The following CFHR4 variants were observed in gnomAD, a reference collection of about 807,000 sequenced individuals.
CFHR4 encodes the protein complement factor H-related protein 4.
A neutral mutation model predicts 69.3 loss-of-function variants in CFHR4; 64 were observed. The observed-to-expected ratio is 0.92, with a 90% CI of 0.76 to 1.14. CFHR4 has a LOEUF of 1.14. Among genes scored for constraint, CFHR4 ranks in the 50% most tolerant of loss-of-function variants. The pLI, the probability that CFHR4 is intolerant of heterozygous loss-of-function variation, is 0.00. For synonymous variants in CFHR4, 244 were observed against 237.0 expected, an observed-to-expected ratio of 1.03 and a Z score of -0.27; for missense variants, 636 against 684.9, an observed-to-expected ratio of 0.93 and a Z score of 0.80.
rs1361851317 is a variant in CFHR4, at chr1:196,907,033, C to G, written c.612C>G (p.Cys204Trp). ...GEDGWSHLPTCYNSSENCGPP... is the reference protein window; with the variant it reads ...GEDGWSHLPTWYNSSENCGPP... The stretch of plus-strand genomic sequence containing the variant: ...ATGGCTGGTCCCATTTGCCAACATG[C>G]TATAGTAAGTATTTTATTCAAGTAT... The change falls in exon 4 of 10, where the codon TGC becomes TGG. Residue 204 changes from cysteine (C) to tryptophan (W), a missense_variant. This residue lies in a region of CFHR4 where 529 missense variants were observed against 533.2 expected (regional missense o/e 0.99). Coordinates refer to ENST00000608469, the MANE Select transcript of CFHR4 (RefSeq NM_001201550.3). 6 of 1,607,296 alleles carry G rather than the reference C, an allele frequency of 3.7e-6. No individual in the cohort carries two copies. In the African/African-American group the frequency reaches 8.1e-5, roughly 22 times the overall value.
At chr1:196,892,160 A>G (rs1657073103) in intron 1 of CFHR4, among the ~76,000 whole-genome samples, 1 of 151,552 alleles carries the variant, frequency 6.6e-6, no homozygotes, top group Non-Finnish European at 1.5e-5. Flanking sequence ...CGAAGAGACC[A>G]TACTACGTAG....
rs373867423 is a variant in CFHR4 at position 196,903,584 on chromosome 1, C to T, written c.256+969C>T. ...TGGAGAATGGCTTGAACCAGGGAGG[C>T]GGAGGTTGCAGTGAGCTGAGATTAG... On this transcript the variant is annotated intron_variant, in intron 2 of 9. Coordinates refer to ENST00000608469, the MANE Select transcript of CFHR4 (RefSeq NM_001201550.3). 3.4e-4 allele frequency among the ~76,000 whole-genome samples: 52 copies of T among 150,756 alleles called. 2 individuals carry two copies. In the East Asian group the frequency reaches 7.2e-3, roughly 21 times the overall value.
intron 9 of CFHR4, 132 bp from the exon 10 acceptor site, chr1:196,918,078 C>G: frequency 9.8e-7 from 1 of 1,018,570 alleles, no homozygotes; most frequent in East Asian, 3.3e-5. Context: ...GTATGTAGCA[C>G]AAATTAATAA....
rs192437982 is a variant in CFHR4, at chr1:196,912,695, G to C, written c.998-45G>C. The C allele has an allele frequency of 4.4e-4, 645 of 1,478,200 alleles. 3 individuals are homozygous for C. The highest frequency in any genetic ancestry group is 3.8e-3 in the East Asian group (155 of 40,424). The allele number at this position is 1,478,200 out of a possible 1,614,324, so 91.6% of individuals were successfully genotyped here. On this transcript the variant is annotated intron_variant, in intron 6 of 9. Coordinates refer to ENST00000608469, the MANE Select transcript of CFHR4 (RefSeq NM_001201550.3). ...TTACTTGTTCCCTCCTATAAAAGAA[G>C]TATTCAACAAATATTTACTTTTTTC... is the stretch of plus-strand genomic sequence containing the variant.
chr1:196,914,146 A>C (rs1302834614), intron 7 of CFHR4, among the ~76,000 whole-genome samples: 1 of 151,414 alleles, frequency 6.6e-6, no homozygotes, highest in Non-Finnish European at 1.5e-5. Flanking sequence ...TTAACTTTTA[A>C]ATTCACAAAA....
chr1:196,902,520 A>G lies in CFHR4; in HGVS notation c.161A>G (p.Tyr54Cys), dbSNP rs374652211. 6.2e-7 allele frequency: 1 copy of G among 1,611,210 alleles called. No individual in the cohort carries two copies. The highest frequency in any genetic ancestry group is 8.5e-7 in the Non-Finnish European group (1 of 1,178,302). ...GCAGCTGCAGGACAATCTTATTCCT[A>G]TTACTGTGATCAAAATTTTGTGACT... is the stretch of plus-strand genomic sequence containing the variant. ...FPAAAGQSYSYYCDQNFVTPS... is the reference protein window; with the variant it reads ...FPAAAGQSYSCYCDQNFVTPS... Residue 54 changes from tyrosine to cysteine, a missense_variant, in exon 2 of 10, where the codon TAT becomes TGT. Tyr to Cys is a radical substitution (Grantham distance 194). Transcript: ENST00000608469.
intron 1 of CFHR4, among the ~76,000 whole-genome samples, chr1:196,900,019 A>G (rs1214218492): frequency 6.6e-6 from 1 of 151,616 alleles, no homozygotes; most frequent in Non-Finnish European, 1.5e-5. Flanking sequence ...GTATAGATTC[A>G]TAATTCCAGA....
rs926020909 is a variant in CFHR4 at position 196,902,139 on chromosome 1, G to A, written c.59-279G>A. Among the ~76,000 whole-genome samples the A allele has an allele frequency of 1.3e-4, 19 of 151,484 alleles. 2 individuals carry two copies. Among genetic ancestry groups the A allele is most frequent in the African/African-American group, 3.6e-4 (15 of 41,104 alleles). On this transcript the variant is annotated intron_variant, in intron 1 of 9. Coordinates refer to ENST00000608469, the MANE Select transcript of CFHR4 (RefSeq NM_001201550.3). ...AGATGAGCTGAATGGTAAAATAAGC[G>A]CCTTCATCTCTCAACCAGGAAGCTC...
In CFHR4 at chr1:196,910,409, C is replaced by G; in HGVS notation, c.928C>G (p.Pro310Ala). 3 of 1,612,746 alleles carry G rather than the reference C, an allele frequency of 1.9e-6. No individual in the cohort carries two copies. The highest frequency in any genetic ancestry group is 2.5e-6 in the Non-Finnish European group (3 of 1,179,624). Residue 310 changes from proline to alanine, a missense_variant, in exon 6 of 10, where the codon CCT becomes GCT. Physicochemically the swap from Pro to Ala is conservative, Grantham distance 27. Coordinates refer to ENST00000608469, the MANE Select transcript of CFHR4 (RefSeq NM_001201550.3). The part of the protein sequence containing the change: ...SYYCDQNFVT[P>A]SGSYWDYIHC... ...TTACTGTGACCAAAATTTTGTGACTCCTTCAGGAAGTTACTGGGATTACAT... is the reference window on the plus strand; with the variant it reads ...TTACTGTGACCAAAATTTTGTGACTGCTTCAGGAAGTTACTGGGATTACAT...
In CFHR4 at chr1:196,915,004, C is replaced by T. The variant is rs1195698862; in HGVS notation, c.1406C>T (p.Thr469Ile). ...GPPPPISNGDTTSFLLKVYVP... is the reference protein window; with the variant it reads ...GPPPPISNGDITSFLLKVYVP... ...CCTCCACCTATTAGCAATGGTGATACCACCTCCTTTCTACTAAAAGTGTAT... is the reference window on the plus strand; with the variant it reads ...CCTCCACCTATTAGCAATGGTGATATCACCTCCTTTCTACTAAAAGTGTAT... Residue 469 changes from threonine (T) to isoleucine (I), a missense_variant, in exon 9 of 10, where the codon ACC becomes ATC. By Grantham distance (89) the Thr-to-Ile change is moderately conservative. Coordinates refer to ENST00000608469, the MANE Select transcript of CFHR4 (RefSeq NM_001201550.3). The T allele has an allele frequency of 3.1e-6, 5 of 1,612,624 alleles. No homozygotes were observed. Among genetic ancestry groups the T allele is most frequent in the Non-Finnish European group, 4.2e-6 (5 of 1,179,704 alleles).
In CFHR4 at chr1:196,910,747, T is replaced by A. The variant is rs79083362; in HGVS notation, c.997+269T>A. Among the ~76,000 whole-genome samples, 123 of 151,692 alleles carry A rather than the reference T, an allele frequency of 8.1e-4. 6 individuals carry two copies. The East Asian group carries it at 0.021, about 26-fold the overall frequency. ...AGATAAGTAACATTGAATACTGACC[T>A]TTTTGTACAAACATTTAGTAGTAGC... On this transcript the variant is annotated intron_variant, in intron 6 of 9. Transcript: ENST00000608469.
rs1045097650 is a variant in CFHR4, at chr1:196,910,434, T to C, written c.953T>C (p.Ile318Thr). 32 of 1,612,728 alleles carry C rather than the reference T, an allele frequency of 2.0e-5. No homozygotes were observed. The highest frequency in any genetic ancestry group is 4.5e-5 in the East Asian group (2 of 44,820). Residue 318 changes from isoleucine to threonine, a missense_variant, in exon 6 of 10, where the codon ATT becomes ACT. By Grantham distance (89) the Ile-to-Thr change is moderately conservative (BLOSUM62 -1). This residue lies in a region of CFHR4 where 529 missense variants were observed against 533.2 expected (regional missense o/e 0.99). Transcript: ENST00000608469. ...CCTTCAGGAAGTTACTGGGATTACA[T>C]TCACTGCACACAAGATGGGTGGTTG... Reference protein sequence around the residue: ...VTPSGSYWDYIHCTQDGWLPT... With the variant: ...VTPSGSYWDYTHCTQDGWLPT...
chr1:196,903,057 A>G, intron 2 of CFHR4, among the ~76,000 whole-genome samples: 1 of 151,368 alleles, frequency 6.6e-6, no homozygotes, highest in South Asian at 2.1e-4. Context: ...ATGTATTTTC[A>G]ATTATTTGGA....
At chr1:196,913,445 A>C (rs1192637244) in intron 7 of CFHR4, among the ~76,000 whole-genome samples, 1 of 151,446 alleles carries the variant, frequency 6.6e-6, no homozygotes, top group Non-Finnish European at 1.5e-5. Flanking sequence ...TGTTTACTAC[A>C]GAGAAAACAA....
intron 1 of CFHR4, among the ~76,000 whole-genome samples, chr1:196,895,418 T>G (rs572602610): frequency 2.0e-5 from 3 of 151,692 alleles, no homozygotes; most frequent in South Asian, 2.1e-4. Context: ...TGTGTTGGTC[T>G]GCTTCCTGGT....
intron 1 of CFHR4, among the ~76,000 whole-genome samples, chr1:196,889,344 T>A (rs1205251746): frequency 6.6e-6 from 1 of 151,604 alleles, no homozygotes; most frequent in Admixed American, 6.6e-5. Context: ...TTAACTAAAC[T>A]GCTACAGGCA....
Position 196,907,414 on chromosome 1 carries a change from C to T in CFHR4, c.715C>T (p.Gln239Ter), listed in dbSNP as rs766801356. The T allele has an allele frequency of 4.3e-6, 7 of 1,611,708 alleles. No homozygotes were observed. In the African/African-American group the frequency reaches 6.7e-5, roughly 16 times the overall value. Residue 239 changes from glutamine (Q) to a stop codon, truncating the protein, a stop_gained, in exon 5 of 10, where the codon CAG becomes TAG. Coordinates refer to ENST00000608469, the MANE Select transcript of CFHR4 (RefSeq NM_001201550.3). LOFTEE classifies it high-confidence loss of function. ...VYLPWSRVEY[Q>*]CQSYYELQGS... ...TCTGCCATGGTCAAGAGTCGAGTAC[C>T]AGTGCCAGTCCTACTATGAACTTCA...
At chr1:196,900,028 G>C (rs922284476) in intron 1 of CFHR4, among the ~76,000 whole-genome samples, 1 of 151,484 alleles carries the variant, frequency 6.6e-6, no homozygotes, top group Non-Finnish European at 1.5e-5. Flanking sequence ...CATAATTCCA[G>C]AAGAATCCTA....
chr1:196,901,860 C>G (rs1173287935), intron 1 of CFHR4, among the ~76,000 whole-genome samples: 1 of 151,048 alleles, frequency 6.6e-6, no homozygotes, highest in Non-Finnish European at 1.5e-5. Flanking sequence ...AAGAAATATT[C>G]CTAGTTCATT....
Sources: allele counts gnomAD v4.1 joint callset (sites outside exome capture counted in the v4.1 genomes callset), GRCh38; gene constraint gnomAD v4.1.1; regional missense constraint gnomAD v4.1.1; transcripts MANE v1.5; gene names NCBI Gene and HGNC (gene_info 2026-07-23, HGNC 2026-07-21).